Variants in MYOM1 observed in about 807,000 individuals in gnomAD.
MYOM1 encodes myomesin-1.
Under a neutral mutation model 205.3 loss-of-function variants are expected in MYOM1, and 164 were observed. The observed-to-expected ratio is 0.80, with a 90% confidence interval of 0.70 to 0.91. MYOM1 has a LOEUF of 0.91. Ranked by LOEUF, MYOM1 falls within the 40% of genes least tolerant of loss-of-function variation. The pLI, the probability that MYOM1 is intolerant of heterozygous loss-of-function variation, is 0.00. For synonymous variants in MYOM1, 772 were observed against 789.4 expected, an observed-to-expected ratio of 0.98 and a Z score of 0.37; for missense variants, 2,011 against 2,127.3, an observed-to-expected ratio of 0.95 and a Z score of 1.08.
At position 3,086,144 on chromosome 18, in the gene MYOM1, T is replaced by C. The variant is rs1422523646; in HGVS notation, c.4145A>G (p.Asn1382Ser). The change falls in exon 30 of 38, where the codon AAT becomes AGT. Residue 1382 changes from asparagine (N) to serine (S), a missense_variant. Transcript: ENST00000356443. ...CNVLLKCKVANIKKETHIVWY... is the reference protein window; with the variant it reads ...CNVLLKCKVASIKKETHIVWY... ...CACAATATGAGTCTCCTTCTTAATA[T>C]TTGCCACCTAGGAGAAAAACCATAA... 5 of 1,586,784 alleles carry C rather than the reference T, an allele frequency of 3.2e-6. No individual in the cohort carries two copies. The highest frequency in any genetic ancestry group is 3.4e-6 in the Non-Finnish European group (4 of 1,166,294).
At chr18:3,187,282 G>A (rs1310933289) in intron 5 of MYOM1, among the ~76,000 whole-genome samples, 198 bp downstream of exon 5, 3 of 152,182 alleles carry the variant, frequency 2.0e-5, no homozygotes, top group Non-Finnish European at 4.4e-5. Flanking sequence ...ATCATGTAGC[G>A]TATATATGCA....
intron 13 of MYOM1, among the ~76,000 whole-genome samples, chr18:3,148,544 T>C (rs1048457019): frequency 6.6e-6 from 1 of 152,032 alleles, no homozygotes; most frequent in African/African-American, 2.4e-5. Context: ...AATACGTTCA[T>C]TATTTTGAAA....
At chr18:3,073,306 T>C (rs36111390) in intron 36 of MYOM1, among the ~76,000 whole-genome samples, 48,687 of 152,024 alleles carry the variant, frequency 0.32, 8,015 homozygotes, top group African/African-American at 0.38. Flanking sequence ...ACTGCCTCAG[T>C]CCCTGGAAAG....
the MYOM1 span, among the ~76,000 whole-genome samples, chr18:3,241,624 C>G: frequency 6.6e-6 from 1 of 152,202 alleles, no homozygotes; most frequent in Middle Eastern, 3.2e-3. Flanking sequence ...GGTGGGAGAC[C>G]CAACACAGAC....
intron 33 of MYOM1, among the ~76,000 whole-genome samples, chr18:3,083,055 C>A (rs2079103015): frequency 6.6e-6 from 1 of 152,146 alleles, no homozygotes; most frequent in Non-Finnish European, 1.5e-5. Flanking sequence ...GATGTGTTAA[C>A]CGTGTGTATA....
chr18:3,150,800 A>T (rs1172460305), intron 12 of MYOM1, among the ~76,000 whole-genome samples: 1 of 152,074 alleles, frequency 6.6e-6, no homozygotes, highest in African/African-American at 2.4e-5. Flanking sequence ...TGGAGACTAC[A>T]TATATTAAAA....
the MYOM1 span, chr18:3,236,620 T>C: frequency 6.6e-6 from 1 of 152,140 alleles, no homozygotes; most frequent in Admixed American, 6.5e-5. Flanking sequence ...TAAGATTAGA[T>C]CATTTGTGGA....
Position 3,151,964 on chromosome 18 carries a change from G to A in MYOM1, c.1644-71C>T, listed in dbSNP as rs1166797008. 2.7e-6 allele frequency: 4 copies of A among 1,455,286 alleles called. No individual in the cohort carries two copies. In the East Asian group the frequency reaches 9.5e-5, roughly 34 times the overall value. 90.1% of individuals were successfully genotyped at this position (1,455,286 alleles called of 1,614,324 possible). A position where few individuals can be genotyped will look rare whatever the true frequency, so the allele number is the denominator to read the frequency against. The stretch of plus-strand genomic sequence containing the variant: ...CTTAATGAATATCTCCAGAGCTGCA[G>A]AATCACCCAGTTGTTTCAGATCTTC... On this transcript the variant is annotated intron_variant, in intron 11 of 37. Coordinates refer to ENST00000356443, the MANE Select transcript of MYOM1 (RefSeq NM_003803.4).
At chr18:3,203,929 C>A (rs1296916273) in intron 2 of MYOM1, among the ~76,000 whole-genome samples, 1 of 151,692 alleles carries the variant, frequency 6.6e-6, no homozygotes, top group East Asian at 1.9e-4. Context: ...GAAGATTACC[C>A]CAGAAATGCA....
At chr18:3,188,452 ACC>A (rs2080852452) in intron 4 of MYOM1, among the ~76,000 whole-genome samples, 1 of 150,392 alleles carries the variant, frequency 6.6e-6, no homozygotes, top group African/African-American at 2.5e-5. Flanking sequence ...CCCCACCTCT[ACC>A]AGAAAAAAAA....
intron 27 of MYOM1, 40 bp downstream of exon 27, chr18:3,090,618 G>A (rs1293043380): frequency 1.2e-6 from 2 of 1,611,234 alleles, no homozygotes; most frequent in Non-Finnish European, 1.7e-6. Flanking sequence ...ATTGAAGGGA[G>A]TAGCAAAGCC....
the MYOM1 span, among the ~76,000 whole-genome samples, chr18:3,233,160 G>C: frequency 3.3e-5 from 5 of 152,246 alleles, no homozygotes; most frequent in South Asian, 1.0e-3. Context: ...GGCTAATCTG[G>C]CCACTTCTAC....
At chr18:3,101,834 AG>A (rs747476494) in intron 23 of MYOM1, among the ~76,000 whole-genome samples, 2 of 152,040 alleles carry the variant, frequency 1.3e-5, no homozygotes, top group Non-Finnish European at 2.9e-5. Context: ...TAATGTAAAA[AG>A]TATTTCATAA....
intron 22 of MYOM1, among the ~76,000 whole-genome samples, chr18:3,107,242 C>T (rs970629225): frequency 1.4e-4 from 22 of 152,132 alleles, no homozygotes; most frequent in African/African-American, 4.8e-4. Flanking sequence ...CTCAGCCTCC[C>T]GAGTGGGTGG....
chr18:3,215,990 G>A (rs190856767), intron 1 of MYOM1, among the ~76,000 whole-genome samples: 12 of 152,248 alleles, frequency 7.9e-5, no homozygotes, highest in Admixed American at 2.6e-4. Context: ...TAGTGAGGCC[G>A]GGCACAGTGG....
At chr18:3,207,402 G>A (rs2081137320) in intron 2 of MYOM1, among the ~76,000 whole-genome samples, 1 of 152,186 alleles carries the variant, frequency 6.6e-6, no homozygotes, top group South Asian at 2.1e-4. Flanking sequence ...ATCAGGAGAT[G>A]CCTTACTAAG....
At chr18:3,109,023 C>T (rs1367242550) in intron 22 of MYOM1, among the ~76,000 whole-genome samples, 1 of 151,910 alleles carries the variant, frequency 6.6e-6, no homozygotes. Context: ...CTCTGTTGCC[C>T]AGGCTGGAGT....
chr18:3,155,884 T>C (rs1009039592), intron 10 of MYOM1, among the ~76,000 whole-genome samples: 5 of 152,096 alleles, frequency 3.3e-5, no homozygotes, highest in African/African-American at 1.2e-4. Flanking sequence ...AGAGAAAACA[T>C]TCGTTTTAAT....
intron 13 of MYOM1, among the ~76,000 whole-genome samples, chr18:3,146,482 A>G (rs2080124646): frequency 6.6e-6 from 1 of 152,158 alleles, no homozygotes; most frequent in Non-Finnish European, 1.5e-5. Context: ...AAAATTAATC[A>G]ATGTAATTCA....
Sources: gnomAD v4.1 joint callset for allele counts (sites outside exome capture counted in the v4.1 genomes callset) on GRCh38, gnomAD v4.1.1 for gene constraint, MANE v1.5 for transcripts, NCBI Gene and HGNC (gene_info 2026-07-23, HGNC 2026-07-21) for gene names.